The following SF3B2 variants were observed in gnomAD, a reference collection of about 807,000 sequenced individuals.
SF3B2 encodes splicing factor 3b subunit 2, also known as SAP 145.
Under a neutral mutation model 116.3 loss-of-function variants are expected in SF3B2, and 22 were observed. The ratio of observed to expected loss-of-function variants is 0.19; its 90% CI spans 0.14 to 0.27. The LOEUF is 0.27. SF3B2 is among the 10% of genes least tolerant of loss of function. The probability of loss-of-function intolerance (pLI) is 1.00; values close to 1 mark genes in which losing one functional copy is unlikely to be tolerated. For synonymous variants in SF3B2, 406 were observed against 421.6 expected, an observed-to-expected ratio of 0.96 and a Z score of 0.45; for missense variants, 767 against 1,151.4, an observed-to-expected ratio of 0.67 and a Z score of 4.83.
chr11:66,067,160 T>C, intron 19 of SF3B2: 1 of 259,286 alleles, frequency 3.9e-6, no homozygotes, highest in South Asian at 3.9e-5. Flanking sequence ...TTGCTCCTTG[T>C]CAGGAAGCAG....
In SF3B2 at chr11:66,067,948, G is replaced by T; in HGVS notation, c.2333G>T (p.Ser778Ile). Residue 778 changes from serine (S) to isoleucine (I), a missense_variant and splice_region_variant, in exon 20 of 22, where the codon AGT (serine) becomes ATT (isoleucine). This residue lies in a region of SF3B2 where 282 missense variants were observed against 568.0 expected (regional missense o/e 0.50). Coordinates refer to ENST00000322535, the MANE Select transcript of SF3B2 (RefSeq NM_006842.3). ...CCTGATCCCATTGTCCTTCGCAGAAGTGAGACACCTCAGCTCTTCACTGTG... is the reference window on the plus strand; with the variant it reads ...CCTGATCCCATTGTCCTTCGCAGAATTGAGACACCTCAGCTCTTCACTGTG... ...KKKIEEAMDG[S>I]ETPQLFTVLP... 1 of 1,613,600 alleles carries T rather than the reference G, an allele frequency of 6.2e-7. No individual in the cohort carries two copies. The highest frequency in any genetic ancestry group is 2.2e-5 in the East Asian group (1 of 44,880).
At chr11:66,058,240 G>A (rs1206843292) in intron 8 of SF3B2, 74 bp from the exon 9 acceptor site, 1 of 1,575,334 alleles carries the variant, frequency 6.3e-7, no homozygotes, top group Non-Finnish European at 8.7e-7. Context: ...CTGGCTCTTG[G>A]TAAAGGCAGG....
chr11:66,053,022 T>C lies in SF3B2; in HGVS notation c.181-5T>C. On this transcript the variant is annotated splice_polypyrimidine_tract_variant and splice_region_variant and intron_variant, in intron 2 of 21. Coordinates refer to ENST00000322535, the MANE Select transcript of SF3B2 (RefSeq NM_006842.3). ...GACTGACCTAGAGTCCTTTCTCTTTTGCAGACTGGCATCGTGCTGAATCGG... is the reference window on the plus strand; with the variant it reads ...GACTGACCTAGAGTCCTTTCTCTTTCGCAGACTGGCATCGTGCTGAATCGG... 1 of 1,614,114 alleles carries C rather than the reference T, an allele frequency of 6.2e-7. No homozygotes were observed. Among genetic ancestry groups the C allele is most frequent in the African/African-American group, 1.3e-5 (1 of 75,046 alleles).
At chr11:66,057,982 AAAAAG>A (rs1200126435) in intron 7 of SF3B2, 67 bp from the exon 8 acceptor site, 1,640 of 1,171,866 alleles carry the variant, frequency 1.4e-3, no homozygotes, top group African/African-American at 2.2e-3. Flanking sequence ...CAAAAAAAAA[AAAAAG>A]AAAGAAAGAA....
intron 16 of SF3B2, among the ~76,000 whole-genome samples, chr11:66,062,472 A>G (rs1857114874): frequency 6.6e-6 from 1 of 150,778 alleles, no homozygotes; most frequent in Non-Finnish European, 1.5e-5. Context: ...CCGCACCTCT[A>G]CTTTAAAAAA....
intron 3 of SF3B2, 63 bp from the exon 4 acceptor site, chr11:66,055,013 C>T (rs1856965881): frequency 1.4e-6 from 2 of 1,469,844 alleles, no homozygotes; most frequent in Non-Finnish European, 1.8e-6. Context: ...AGTAGATCCC[C>T]CAGATATTTG....
Position 66,059,454 on chromosome 11 carries a change from G to C in SF3B2, c.1321-61G>C. 6.2e-7 allele frequency: 1 copy of C among 1,608,316 alleles called. No homozygotes were observed. The highest frequency in any genetic ancestry group is 8.5e-7 in the Non-Finnish European group (1 of 1,174,874). ...AGCTTTGGTGGCTTAAGGTTGGGGT[G>C]GGTTGGGCAGTTTCATTCACATCTG... On this transcript the variant is annotated intron_variant, in intron 11 of 21. Coordinates refer to ENST00000322535, the MANE Select transcript of SF3B2 (RefSeq NM_006842.3). The surrounding 1 kb of genome is among the most constrained non-coding windows in gnomAD (Gnocchi z 5.0).
intron 17 of SF3B2, 99 bp downstream of exon 17, chr11:66,063,215 C>A: frequency 9.4e-7 from 1 of 1,067,434 alleles, no homozygotes; most frequent in Non-Finnish European, 1.4e-6. Context: ...TGTTCTGACA[C>A]AGCAGAGCCT....
intron 21 of SF3B2, 95 bp downstream of exon 21, chr11:66,068,428 G>T: frequency 7.8e-7 from 1 of 1,283,188 alleles, no homozygotes; most frequent in Non-Finnish European, 1.1e-6. Context: ...GAGAGTGAGG[G>T]TGGCCTCTGC....
At chr11:66,060,471 C>A in intron 13 of SF3B2, 111 bp from the exon 14 acceptor site, 1 of 1,299,248 alleles carries the variant, frequency 7.7e-7, no homozygotes, top group Non-Finnish European at 1.1e-6. Flanking sequence ...TGATGACTTT[C>A]AGGGTGAGAT....
intron 17 of SF3B2, 23 bp downstream of exon 17, chr11:66,063,139 C>T (rs1423170263): frequency 1.3e-6 from 2 of 1,530,256 alleles, no homozygotes; most frequent in African/African-American, 2.7e-5. Flanking sequence ...TACTAGCGAT[C>T]TTGGTTTTAC....
intron 13 of SF3B2, 36 bp from the exon 14 acceptor site, chr11:66,060,546 T>C: frequency 1.2e-6 from 2 of 1,612,408 alleles, no homozygotes; most frequent in South Asian, 2.2e-5. Flanking sequence ...ATTTGGTGAG[T>C]ACTTGTTAAG....
In SF3B2 at chr11:66,055,218, G is replaced by T. The variant is rs145088115; in HGVS notation, c.401G>T (p.Arg134Leu). 18 of 1,612,240 alleles carry T rather than the reference G, an allele frequency of 1.1e-5. No homozygotes were observed. The highest frequency in any genetic ancestry group is 1.4e-5 in the Non-Finnish European group (17 of 1,179,032). ...PPNLGPPPPLRVGEPVALSEE... is the reference protein window; with the variant it reads ...PPNLGPPPPLLVGEPVALSEE... The stretch of plus-strand genomic sequence containing the variant: ...AATTTGGGGCCCCCGCCTCCTCTCC[G>T]TGTGGGTGAGCCAGTGGCACTGTCA... The change falls in exon 4 of 22, where the codon CGT becomes CTT. Residue 134 changes from arginine to leucine, a missense_variant. Coordinates refer to ENST00000322535, the MANE Select transcript of SF3B2 (RefSeq NM_006842.3).
chr11:66,067,978 CAGAGA>C lies in SF3B2; in HGVS notation c.2370_2374del (p.Lys790AsnfsTer16). The C allele has an allele frequency of 6.2e-7, 1 of 1,614,152 alleles. No homozygotes were observed. Among genetic ancestry groups the C allele is most frequent in the East Asian group, 2.2e-5 (1 of 44,882 alleles). ...ACACCTCAGCTCTTCACTGTGTTGC[CAGAGA>C]AGAGAACAGCCACTGTTGGAGGGGC... On this transcript the variant is annotated frameshift_variant, in exon 20 of 22. Transcript: ENST00000322535. LOFTEE classifies it high-confidence loss of function.
intron 2 of SF3B2, 80 bp downstream of exon 2, chr11:66,052,799 ATTC>A: frequency 1.4e-6 from 2 of 1,463,826 alleles, no homozygotes; most frequent in Non-Finnish European, 1.8e-6. Context: ...CTCGGTCTTC[ATTC>A]TTTCTTTATC....
At position 66,053,090 on chromosome 11, in the gene SF3B2, C is replaced by A; in HGVS notation, c.244C>A (p.Pro82Thr). ...GEDGDKAAPPPMSAQLPGIPM... is the reference protein window; with the variant it reads ...GEDGDKAAPPTMSAQLPGIPM... ...AGATGGGGACAAAGCCGCTCCACCT[C>A]CCATGTCGGCACAGGTAGGGAGATT... Residue 82 changes from proline to threonine, a missense_variant, in exon 3 of 22, where the codon CCC becomes ACC. This residue lies in a region of SF3B2 where 455 missense variants were observed against 537.5 expected (regional missense o/e 0.85). Transcript: ENST00000322535. 6.2e-6 allele frequency: 10 copies of A among 1,613,992 alleles called. No individual in the cohort carries two copies. Among genetic ancestry groups the A allele is most frequent in the Non-Finnish European group, 8.5e-6 (10 of 1,179,928 alleles).
Position 66,061,704 on chromosome 11 carries a change from C to T in SF3B2, c.1798C>T (p.Arg600Ter), listed in dbSNP as rs1156848899. 2 of 1,614,058 alleles carry T rather than the reference C, an allele frequency of 1.2e-6. No individual in the cohort carries two copies. The highest frequency in any genetic ancestry group is 1.7e-5 in the Admixed American group (1 of 60,012). ...CCCTCAGGGGAAGGAGTTCGAGACA[C>T]GACTGAAGGAGAAGAAGCCAGGAGA... ...LYYEGKEFET[R>*]LKEKKPGDLS... The change falls in exon 15 of 22, where the codon CGA (arginine) becomes TGA (stop). Residue 600 changes from arginine to a stop codon, truncating the protein, a stop_gained. Coordinates refer to ENST00000322535, the MANE Select transcript of SF3B2 (RefSeq NM_006842.3). LOFTEE classifies it high-confidence loss of function.
At chr11:66,065,831 T>C (rs958687458) in intron 19 of SF3B2, 3 of 152,230 alleles carry the variant, frequency 2.0e-5, no homozygotes, top group African/African-American at 7.2e-5. Flanking sequence ...TCTTAACTTT[T>C]TGAACATGTG....
At position 66,068,252 on chromosome 11, in the gene SF3B2, G is replaced by A; in HGVS notation, c.2535G>A (p.Glu845=). The A allele has an allele frequency of 6.2e-7, 1 of 1,614,108 alleles. No individual in the cohort carries two copies. Among genetic ancestry groups the A allele is most frequent in the Non-Finnish European group, 8.5e-7 (1 of 1,180,038 alleles). Residue 845 remains glutamate, a synonymous_variant, in exon 21 of 22, where the codon GAG becomes GAA. Transcript: ENST00000322535. ...LDPMAMTQKY[E]EHVREQQAQV... is the part of the protein sequence containing the mutation. ...CTATGGCCATGACCCAGAAGTATGAGGAGCATGTGCGGGAGCAGCAGGCTC... is the reference window on the plus strand; with the variant it reads ...CTATGGCCATGACCCAGAAGTATGAAGAGCATGTGCGGGAGCAGCAGGCTC...
Sources: allele counts gnomAD v4.1 joint callset (sites outside exome capture counted in the v4.1 genomes callset), GRCh38; gene constraint gnomAD v4.1.1; regional missense constraint gnomAD v4.1.1; non-coding constraint Gnocchi (gnomAD v3.1); transcripts MANE v1.5; gene names NCBI Gene and HGNC (gene_info 2026-07-23, HGNC 2026-07-21).